The following CPA6 variants were observed in gnomAD, a reference collection of about 807,000 sequenced individuals.
The protein encoded by CPA6 is carboxypeptidase B.
Under a neutral mutation model 63.3 loss-of-function variants are expected in CPA6, and 58 were observed. That is an observed-to-expected ratio of 0.92 (90% CI 0.74 to 1.14). The LOEUF is 1.14. CPA6 is among the 50% of genes most tolerant of loss of function. CPA6 has a pLI of 0.00. For synonymous variants in CPA6, 185 were observed against 179.0 expected (o/e 1.03, Z -0.27); for missense variants, 565 against 526.6 (o/e 1.07, Z -0.71).
intron 8 of CPA6, among the ~76,000 whole-genome samples, chr8:67,470,027 CCTTTTTTTTTTTT>C (rs1457418242): frequency 1.3e-5 from 2 of 150,346 alleles, no homozygotes; most frequent in African/African-American, 4.9e-5. Flanking sequence ...GATCATGTTT[CCTTTTTTTTTTTT>C]CTTTTTTTTT....
At chr8:67,500,449 G>A (rs1186630689) in intron 6 of CPA6, among the ~76,000 whole-genome samples, 1 of 151,934 alleles carries the variant, frequency 6.6e-6, no homozygotes, top group Non-Finnish European at 1.5e-5. Flanking sequence ...TTAGATCTGT[G>A]ATTTGCATAT....
intron 2 of CPA6, among the ~76,000 whole-genome samples, chr8:67,584,496 G>T (rs1417425405): frequency 6.6e-6 from 1 of 152,118 alleles, no homozygotes; most frequent in African/African-American, 2.4e-5. Flanking sequence ...CTGACTTGAC[G>T]GAGAATGTTA....
intron 1 of CPA6, among the ~76,000 whole-genome samples, chr8:67,701,213 C>T (rs1164440689): frequency 1.3e-5 from 2 of 152,106 alleles, no homozygotes; most frequent in African/African-American, 2.4e-5. Context: ...CTGATAGATA[C>T]AATCCTTGCT....
intron 1 of CPA6, among the ~76,000 whole-genome samples, chr8:67,728,264 G>T (rs527727332): frequency 2.1e-4 from 32 of 152,230 alleles, no homozygotes; most frequent in African/African-American, 6.7e-4. Flanking sequence ...CTATGAAGAA[G>T]AGTATATGAA....
chr8:67,456,610 C>T (rs1810682549), intron 8 of CPA6, among the ~76,000 whole-genome samples: 2 of 152,170 alleles, frequency 1.3e-5, no homozygotes, highest in African/African-American at 4.8e-5. Flanking sequence ...CTCACCACAG[C>T]CTTCAAGATA....
At chr8:67,645,914 CTT>C (rs1815703426) in intron 1 of CPA6, among the ~76,000 whole-genome samples, 1 of 152,164 alleles carries the variant, frequency 6.6e-6, no homozygotes, top group Non-Finnish European at 1.5e-5. Context: ...GGTAATTCCT[CTT>C]GTTACCCAGT....
chr8:67,610,129 C>A (rs564038919), intron 2 of CPA6, among the ~76,000 whole-genome samples: 1 of 152,346 alleles, frequency 6.6e-6, no homozygotes, highest in East Asian at 1.9e-4. Flanking sequence ...AATCCCAGTG[C>A]TTCAGGAGGC....
intron 1 of CPA6, among the ~76,000 whole-genome samples, chr8:67,633,030 T>C (rs189898432): frequency 1.1e-3 from 169 of 152,342 alleles, no homozygotes; most frequent in African/African-American, 2.1e-3. Flanking sequence ...TACTATAATT[T>C]TGGATTTTTC....
intron 8 of CPA6, among the ~76,000 whole-genome samples, chr8:67,477,034 T>C (rs999135029): frequency 6.6e-6 from 1 of 152,122 alleles, no homozygotes; most frequent in African/African-American, 2.4e-5. Context: ...CTCACGTCTG[T>C]AATCCCAGCA....
At chr8:67,728,636 A>G (rs141362251) in intron 1 of CPA6, among the ~76,000 whole-genome samples, 70 of 152,366 alleles carry the variant, frequency 4.6e-4, no homozygotes, top group African/African-American at 1.3e-3. Context: ...ATGAAACTGT[A>G]GAGAGTATTA....
chr8:67,663,716 C>T (rs763584223), intron 1 of CPA6, among the ~76,000 whole-genome samples: 35 of 152,210 alleles, frequency 2.3e-4, no homozygotes, highest in African/African-American at 4.3e-4. Flanking sequence ...TCCTTTTTTA[C>T]GGCTGCATAG....
intron 6 of CPA6, among the ~76,000 whole-genome samples, chr8:67,488,750 C>T (rs1482289643): frequency 2.0e-5 from 3 of 152,106 alleles, no homozygotes; most frequent in Non-Finnish European, 4.4e-5. Context: ...TTGTAGTTCT[C>T]CTTGAAGAGG....
intron 8 of CPA6, among the ~76,000 whole-genome samples, chr8:67,450,740 G>T (rs1485754814): frequency 6.6e-6 from 1 of 152,290 alleles, no homozygotes; most frequent in Non-Finnish European, 1.5e-5. Flanking sequence ...TTGACCTGAG[G>T]CTACTTGCTT....
intron 1 of CPA6, among the ~76,000 whole-genome samples, chr8:67,698,151 GTAATAATGAAGAGCCTTTGACTAGA>G (rs1816946171): frequency 6.6e-6 from 1 of 152,142 alleles, no homozygotes; most frequent in South Asian, 2.1e-4. Context: ...ATTTGGCTAG[GTAATAATGAAGAGCCTTTGACTAGA>G]TAGTAATGAA....
intron 2 of CPA6, among the ~76,000 whole-genome samples, chr8:67,574,422 A>T (rs140786790): frequency 1.4e-4 from 21 of 152,076 alleles, no homozygotes; most frequent in Admixed American, 2.6e-4. Context: ...AACCCAAATA[A>T]CCAAGGCAAT....
At chr8:67,614,747 A>G (rs1564024780) in intron 2 of CPA6, among the ~76,000 whole-genome samples, 1 of 152,024 alleles carries the variant, frequency 6.6e-6, no homozygotes, top group Non-Finnish European at 1.5e-5. Context: ...CTTGTGCCCA[A>G]CTCTCTAAAA....
rs2128986080 is a variant in CPA6, at chr8:67,617,707, G to T, written c.192+6469C>A. Among the ~76,000 whole-genome samples, 2 of 152,298 alleles carry T rather than the reference G, an allele frequency of 1.3e-5. 1 individual carries two copies. The highest frequency in any genetic ancestry group is 4.1e-4 in the South Asian group (2 of 4,832). On this transcript the variant is annotated intron_variant, in intron 2 of 10. Transcript: ENST00000297770. The stretch of plus-strand genomic sequence containing the variant: ...TTGTTTCTGTAGGTCAGAAGTCTGG[G>T]CATGGTGTGGATTCTCTGCTCAGGG...
intron 2 of CPA6, among the ~76,000 whole-genome samples, chr8:67,536,796 GT>G (rs1054446251): frequency 3.9e-5 from 6 of 152,086 alleles, no homozygotes; most frequent in African/African-American, 1.2e-4. Context: ...AATGCTTCCA[GT>G]TTTTGCCCAT....
chr8:67,730,606 C>T lies in CPA6; in HGVS notation c.116+15408G>A, dbSNP rs558931751. ...CTAATCACATGGTTGGTTTCCCTGG[C>T]AACCAGCTCCCATCCGAAGGCTATC... On this transcript the variant is annotated intron_variant, in intron 1 of 10. Coordinates refer to ENST00000297770, the MANE Select transcript of CPA6 (RefSeq NM_020361.5). Among the ~76,000 whole-genome samples, 30 of 152,292 alleles carry T rather than the reference C, an allele frequency of 2.0e-4. 1 individual carries two copies. In the South Asian group the frequency reaches 6.2e-3, roughly 32 times the overall value.
Sources: gnomAD v4.1 joint callset for allele counts (sites outside exome capture counted in the v4.1 genomes callset) on GRCh38, gnomAD v4.1.1 for gene constraint, MANE v1.5 for transcripts, NCBI Gene and HGNC (gene_info 2026-07-23, HGNC 2026-07-21) for gene names.